The following RAB38 variants were observed in gnomAD, a reference collection of about 807,000 sequenced individuals.
The protein encoded by RAB38 is RAB38, member RAS oncogene family.
RAB38 carries 15 observed loss-of-function variants against 18.4 expected under a neutral mutation model. That is an observed-to-expected ratio of 0.82 (90% CI 0.55 to 1.26). RAB38 has a LOEUF of 1.26. Ranked by LOEUF, RAB38 falls within the 50% of genes most tolerant of loss-of-function variation. RAB38 has a pLI of 0.00. For missense variants in RAB38, 294 were observed against 267.4 expected, an observed-to-expected ratio of 1.10 and a Z score of -0.69; for synonymous variants, 101 against 104.4, an observed-to-expected ratio of 0.97 and a Z score of 0.20.
intron 2 of RAB38, among the ~76,000 whole-genome samples, chr11:88,116,425 A>G (rs1333414034): frequency 2.6e-5 from 4 of 152,224 alleles, no homozygotes; most frequent in African/African-American, 9.6e-5. Flanking sequence ...AGAAGGAGGC[A>G]ACAAAATTAT....
the RAB38 span, among the ~76,000 whole-genome samples, chr11:87,841,885 T>G: frequency 6.6e-6 from 1 of 152,206 alleles, no homozygotes; most frequent in Non-Finnish European, 1.5e-5. Flanking sequence ...TAAGGGACAT[T>G]TGGAGAATAT....
At chr11:88,129,754 T>C (rs186769609) in intron 2 of RAB38, among the ~76,000 whole-genome samples, 45 of 152,350 alleles carry the variant, frequency 3.0e-4, no homozygotes, top group African/African-American at 1.1e-3. Flanking sequence ...TGGAGTTATT[T>C]TTAATATACA....
At chr11:87,864,210 T>C in the RAB38 span, among the ~76,000 whole-genome samples, 5 of 151,706 alleles carry the variant, frequency 3.3e-5, no homozygotes, top group African/African-American at 1.2e-4. Flanking sequence ...CCAAAACTTC[T>C]TTCTTAGTTG....
At chr11:88,007,189 A>T in the RAB38 span, among the ~76,000 whole-genome samples, 1 of 151,902 alleles carries the variant, frequency 6.6e-6, no homozygotes, top group Non-Finnish European at 1.5e-5. Flanking sequence ...GAGGACTAAA[A>T]TTATAAACCA....
At chr11:88,115,317 T>A (rs1942535041) in intron 2 of RAB38, among the ~76,000 whole-genome samples, 1 of 152,218 alleles carries the variant, frequency 6.6e-6, no homozygotes, top group Non-Finnish European at 1.5e-5. Flanking sequence ...CAATCTGAAG[T>A]GGAAATACTT....
intron 1 of RAB38, chr11:88,173,941 G>C: frequency 1.0e-6 from 1 of 985,426 alleles, no homozygotes; most frequent in Non-Finnish European, 1.2e-6. Context: ...CTAGTTTCAA[G>C]CCATGATAAA....
At chr11:87,925,096 T>C in the RAB38 span, among the ~76,000 whole-genome samples, 25 of 152,058 alleles carry the variant, frequency 1.6e-4, no homozygotes, top group African/African-American at 6.0e-4. Context: ...CTCTTCTCTC[T>C]CACTGGCAAT....
the RAB38 span, among the ~76,000 whole-genome samples, chr11:88,004,019 T>G: frequency 1.4e-5 from 2 of 138,384 alleles, no homozygotes; most frequent in Non-Finnish European, 3.1e-5. Flanking sequence ...TATATGTACC[T>G]TCTCTTCTAT....
At chr11:88,016,531 G>C in the RAB38 span, among the ~76,000 whole-genome samples, 1 of 152,050 alleles carries the variant, frequency 6.6e-6, no homozygotes, top group Non-Finnish European at 1.5e-5. Context: ...TTCTCTCCCA[G>C]CTAAAGATCC....
the RAB38 span, among the ~76,000 whole-genome samples, chr11:88,086,615 T>C: frequency 7.2e-5 from 11 of 152,040 alleles, no homozygotes; most frequent in Admixed American, 2.6e-4. Flanking sequence ...AGAGTTTAGA[T>C]TGATCAATCA....
chr11:88,149,996 T>G lies in RAB38; in HGVS notation c.203-41A>C, dbSNP rs139102451. The G allele has an allele frequency of 1.5e-5, 24 of 1,570,062 alleles. No individual in the cohort carries two copies. In the African/African-American group the frequency reaches 2.0e-4, roughly 13 times the overall value. On this transcript the variant is annotated intron_variant, in intron 1 of 2. Transcript: ENST00000243662. The stretch of plus-strand genomic sequence containing the variant: ...AATAAAAATAAAAATGTATTAAAAT[T>G]GCAAACTGAATCATATTATAACTTC...
intron 2 of RAB38, among the ~76,000 whole-genome samples, chr11:88,143,055 A>G (rs976955556): frequency 4.6e-5 from 7 of 152,338 alleles, no homozygotes; most frequent in African/African-American, 1.7e-4. Context: ...GTCAGACTAG[A>G]AAAGGTTATA....
chr11:88,140,731 T>C (rs1458765494), intron 2 of RAB38, among the ~76,000 whole-genome samples: 1 of 151,952 alleles, frequency 6.6e-6, no homozygotes, highest in Non-Finnish European at 1.5e-5. Context: ...ATGGAATAAA[T>C]GGAAGGAGTA....
chr11:88,017,507 ATC>A, the RAB38 span, among the ~76,000 whole-genome samples: 41 of 151,674 alleles, frequency 2.7e-4, no homozygotes, highest in Non-Finnish European at 4.4e-4. Context: ...TCTCAAGGAC[ATC>A]TGTCTCTAGT....
At chr11:88,120,087 G>C (rs973130368) in intron 2 of RAB38, among the ~76,000 whole-genome samples, 3 of 152,076 alleles carry the variant, frequency 2.0e-5, no homozygotes, top group Non-Finnish European at 2.9e-5. Flanking sequence ...ATTTCCTTTG[G>C]ATACCTGCTT....
the RAB38 span, among the ~76,000 whole-genome samples, chr11:87,867,499 T>C: frequency 6.6e-6 from 1 of 151,814 alleles, no homozygotes; most frequent in Non-Finnish European, 1.5e-5. Context: ...CAACTATTCA[T>C]AGGCTTTTCT....
At chr11:88,168,969 C>A (rs1425511661) in intron 1 of RAB38, among the ~76,000 whole-genome samples, 1 of 152,088 alleles carries the variant, frequency 6.6e-6, no homozygotes, top group African/African-American at 2.4e-5. Context: ...TAATCTATAG[C>A]CAATAGAAAA....
chr11:87,805,285 T>C, the RAB38 span, among the ~76,000 whole-genome samples: 1 of 152,168 alleles, frequency 6.6e-6, no homozygotes, highest in African/African-American at 2.4e-5. Flanking sequence ...TGGACATCTA[T>C]GTTTATACAC....
the RAB38 span, among the ~76,000 whole-genome samples, chr11:87,851,728 C>G: frequency 6.6e-6 from 1 of 152,096 alleles, no homozygotes; most frequent in Non-Finnish European, 1.5e-5. Context: ...TAAACCCTGC[C>G]ATGTGTAGCT....
Sources: allele counts gnomAD v4.1 joint callset (sites outside exome capture counted in the v4.1 genomes callset), GRCh38; gene constraint gnomAD v4.1.1; transcripts MANE v1.5; gene names NCBI Gene and HGNC (gene_info 2026-07-23, HGNC 2026-07-21).